Variants in RIMS2 observed in about 807,000 individuals in gnomAD.
RIMS2 encodes regulating synaptic membrane exocytosis 2, also known as regulating synaptic membrane exocytosis protein 2.
Under a neutral mutation model 174.4 loss-of-function variants are expected in RIMS2, and 59 were observed. The ratio of observed to expected loss-of-function variants is 0.34; its 90% CI spans 0.27 to 0.42. The LOEUF is 0.42. Among genes scored for constraint, RIMS2 ranks in the 10% least tolerant of loss-of-function variants. The pLI is 1.00. For synonymous variants in RIMS2, 606 were observed against 572.5 expected, an observed-to-expected ratio of 1.06 and a Z score of -0.84; for missense variants, 1,620 against 1,666.3, an observed-to-expected ratio of 0.97 and a Z score of 0.48.
At chr8:103,861,798 G>T (rs571908713) in intron 3 of RIMS2, among the ~76,000 whole-genome samples, 105 of 151,954 alleles carry the variant, frequency 6.9e-4, no homozygotes, top group African/African-American at 2.5e-3. Flanking sequence ...GTCTGTTCAT[G>T]ATGTCCTTTG....
At chr8:104,166,294 C>T (rs541747815) in intron 19 of RIMS2, among the ~76,000 whole-genome samples, 5 of 151,660 alleles carry the variant, frequency 3.3e-5, no homozygotes, top group Non-Finnish European at 7.4e-5. Context: ...TCTCGATCTC[C>T]TGACCTCATG....
intron 2 of RIMS2, among the ~76,000 whole-genome samples, chr8:103,756,464 G>A (rs2098011174): frequency 7.0e-6 from 1 of 143,110 alleles, no homozygotes; most frequent in South Asian, 2.2e-4. Context: ...TAAGACAGGT[G>A]TCACTTTGTC....
At position 104,189,751 on chromosome 8, in the gene RIMS2, G is replaced by C. The variant is rs138543981; in HGVS notation, c.3335-55165G>C. 2.8e-3 allele frequency among the ~76,000 whole-genome samples: 427 copies of C among 151,638 alleles called. 4 individuals carry two copies. The highest frequency in any genetic ancestry group is 0.01 in the African/African-American group (414 of 41,398). On this transcript the variant is annotated intron_variant, in intron 19 of 23. Coordinates refer to ENST00000504942, the Ensembl canonical transcript of RIMS2. ...GGCTACAAAATTATAATTTGAGGTA[G>C]TATATATTTTAAGTTAATTATTAAA...
chr8:103,855,739 T>C (rs2099024047), intron 3 of RIMS2, among the ~76,000 whole-genome samples: 1 of 152,160 alleles, frequency 6.6e-6, no homozygotes, highest in Admixed American at 6.6e-5. Flanking sequence ...GGTATGTTAT[T>C]TTTTTGAATT....
chr8:103,593,351 G>T (rs1056626480), intron 1 of RIMS2, among the ~76,000 whole-genome samples: 1 of 151,316 alleles, frequency 6.6e-6, no homozygotes, highest in Non-Finnish European at 1.5e-5. Context: ...ATTGCACATG[G>T]GTAAAAGACC....
chr8:103,677,608 T>A (rs1250173664), intron 1 of RIMS2, among the ~76,000 whole-genome samples: 1 of 152,200 alleles, frequency 6.6e-6, no homozygotes, highest in Admixed American at 6.6e-5. Context: ...GGTACTTTGC[T>A]TGGTTACCCA....
chr8:103,940,403 A>G (rs541424524), intron 13 of RIMS2, among the ~76,000 whole-genome samples: 6 of 152,238 alleles, frequency 3.9e-5, no homozygotes, highest in South Asian at 2.1e-4. Flanking sequence ...CCATTATTCA[A>G]TTACCTCCCA....
At chr8:103,529,408 G>T (rs1226708129) in intron 1 of RIMS2, among the ~76,000 whole-genome samples, 1 of 152,212 alleles carries the variant, frequency 6.6e-6, no homozygotes, top group Non-Finnish European at 1.5e-5. Flanking sequence ...GGCTCCGTGG[G>T]TGTGGAACCC....
At chr8:103,667,327 A>G (rs1027556935) in intron 1 of RIMS2, among the ~76,000 whole-genome samples, 6 of 152,188 alleles carry the variant, frequency 3.9e-5, no homozygotes, top group East Asian at 3.8e-4. Context: ...TTGTGCACCC[A>G]TAGTCTTTGC....
rs1355289704 is a variant in RIMS2 at position 103,697,555 on chromosome 8, A to AC, written c.387+259_387+260insC. Among the ~76,000 whole-genome samples the AC allele has an allele frequency of 6.0e-5, 9 of 150,916 alleles. No homozygotes were observed. The East Asian group carries it at 9.8e-4, about 16-fold the overall frequency. On this transcript the variant is annotated intron_variant, in intron 2 of 23. Transcript: ENST00000504942. ...GAAACCCTGTCTCTACGAAAAAAAA[A>AC]AAAACAAAAAAAACCCACAAAAATT...
chr8:103,758,947 C>T (rs4734729), intron 2 of RIMS2, among the ~76,000 whole-genome samples: 17,309 of 152,136 alleles, frequency 0.11, 1,330 homozygotes, highest in African/African-American at 0.22. Context: ...GACTGAAGCT[C>T]ATTACTTCAA....
intron 2 of RIMS2, among the ~76,000 whole-genome samples, chr8:103,753,744 A>G (rs1441602241): frequency 6.6e-6 from 1 of 152,148 alleles, no homozygotes; most frequent in Admixed American, 6.5e-5. Flanking sequence ...CTCTGATGGT[A>G]GTTTGTATTT....
At chr8:103,825,446 ATTT>A (rs35460743) in intron 3 of RIMS2, among the ~76,000 whole-genome samples, 2 of 131,846 alleles carry the variant, frequency 1.5e-5, no homozygotes, top group Non-Finnish European at 1.6e-5. Context: ...TGGCTAGCTA[ATTT>A]TTTTTTTTTT....
chr8:103,704,385 T>A (rs1564350962), intron 2 of RIMS2, among the ~76,000 whole-genome samples: 2 of 151,956 alleles, frequency 1.3e-5, no homozygotes, highest in Admixed American at 1.3e-4. Flanking sequence ...GATTTTTGCA[T>A]CTATGTTCGT....
At chr8:104,218,126 A>G (rs2511562) in intron 19 of RIMS2, among the ~76,000 whole-genome samples, 50,555 of 152,086 alleles carry the variant, frequency 0.33, 8,681 homozygotes, top group African/African-American at 0.42. Context: ...ATATCAAAAG[A>G]AAAGAGGTTA....
At chr8:103,674,106 C>T (rs754709832) in intron 1 of RIMS2, among the ~76,000 whole-genome samples, 2 of 152,206 alleles carry the variant, frequency 1.3e-5, no homozygotes, top group Middle Eastern at 3.2e-3. Flanking sequence ...ACATTTGTTC[C>T]AGCTCCCAGT....
In RIMS2 at chr8:103,652,244, A is replaced by G; in HGVS notation, c.177-44842A>G. ...ACAAACCACAACTGACACAGTAAGT[A>G]AATGTATTAAGAGTGTAGTAGGCTT... On this transcript the variant is annotated intron_variant, in intron 1 of 23. Transcript: ENST00000504942. The G allele has an allele frequency of 7.4e-7, 1 of 1,345,620 alleles. No homozygotes were observed. The highest frequency in any genetic ancestry group is 9.8e-7 in the Non-Finnish European group (1 of 1,016,120). The allele number at this position is 1,345,620 out of a possible 1,614,324, so 83.4% of individuals were successfully genotyped here.
intron 1 of RIMS2, among the ~76,000 whole-genome samples, chr8:103,612,259 T>C (rs2134239433): frequency 6.6e-6 from 1 of 152,314 alleles, no homozygotes; most frequent in South Asian, 2.1e-4. Context: ...ACAGGTCACA[T>C]GTCTCTCTAT....
chr8:103,808,459 C>T (rs1022597109), intron 3 of RIMS2, among the ~76,000 whole-genome samples: 22 of 152,070 alleles, frequency 1.4e-4, no homozygotes, highest in South Asian at 6.2e-4. Context: ...ATTACTAACA[C>T]GCTGATGCTT....
Sources: allele counts gnomAD v4.1 joint callset (sites outside exome capture counted in the v4.1 genomes callset), GRCh38; gene constraint gnomAD v4.1.1; transcripts MANE v1.5; gene names NCBI Gene and HGNC (gene_info 2026-07-23, HGNC 2026-07-21).